Variants in NRG1 observed in about 807,000 individuals in gnomAD.
NRG1 encodes the protein neuregulin 1, also known as pro-neuregulin-1, membrane-bound isoform.
A neutral mutation model predicts 63.8 loss-of-function variants in NRG1; 18 were observed. That is an observed-to-expected ratio of 0.28 (90% confidence interval 0.19 to 0.42). NRG1 has a LOEUF of 0.42. Among genes scored for constraint, NRG1 ranks in the 10% least tolerant of loss-of-function variants. The pLI is 1.00. For missense variants in NRG1, 762 were observed against 814.7 expected, an observed-to-expected ratio of 0.94 and a Z score of 0.79; for synonymous variants, 302 against 301.3, an observed-to-expected ratio of 1.00 and a Z score of -0.02.
chr8:32,705,163 C>T (rs548102168), intron 5 of NRG1, among the ~76,000 whole-genome samples: 7 of 145,188 alleles, frequency 4.8e-5, no homozygotes, highest in South Asian at 4.4e-4. Flanking sequence ...GACGGAGTCT[C>T]GCTGTGTCGC....
chr8:32,230,077 G>A (rs187590057), intron 1 of NRG1, among the ~76,000 whole-genome samples: 1 of 152,084 alleles, frequency 6.6e-6, no homozygotes, highest in Non-Finnish European at 1.5e-5. Flanking sequence ...ATATATTATT[G>A]TTAGTCAGGA....
intron 1 of NRG1, among the ~76,000 whole-genome samples, chr8:31,791,479 C>T (rs1476912244): frequency 6.6e-6 from 1 of 152,172 alleles, no homozygotes; most frequent in Non-Finnish European, 1.5e-5. Context: ...CATATTCCTT[C>T]AAGATAAACG....
At chr8:32,218,895 C>T (rs1213725283) in intron 1 of NRG1, among the ~76,000 whole-genome samples, 1 of 152,130 alleles carries the variant, frequency 6.6e-6, no homozygotes, top group Non-Finnish European at 1.5e-5. Flanking sequence ...AAGGTCCTTA[C>T]TCACAGTCAG....
At chr8:31,951,809 T>C (rs73582479) in intron 1 of NRG1, among the ~76,000 whole-genome samples, 2,217 of 152,284 alleles carry the variant, frequency 0.015, 44 homozygotes, top group African/African-American at 0.051. Context: ...TGAAAAGGAA[T>C]ATGGAAAATA....
intron 1 of NRG1, among the ~76,000 whole-genome samples, chr8:32,276,695 G>C (rs975608448): frequency 6.6e-6 from 1 of 152,096 alleles, no homozygotes; most frequent in Non-Finnish European, 1.5e-5. Flanking sequence ...GTAGAGGAAG[G>C]TTCTCCCTGT....
intron 11 of NRG1, among the ~76,000 whole-genome samples, chr8:32,762,599 C>T (rs1438394530): frequency 6.6e-6 from 1 of 152,128 alleles, no homozygotes; most frequent in Non-Finnish European, 1.5e-5. Context: ...ACTGTGACTC[C>T]GGGAGAAGCA....
chr8:32,282,217 C>A (rs1487142), intron 1 of NRG1, among the ~76,000 whole-genome samples: 1 of 151,954 alleles, frequency 6.6e-6, no homozygotes, highest in Non-Finnish European at 1.5e-5. Flanking sequence ...AAAGTATCAC[C>A]CACAATGCAC....
chr8:32,737,266 G>A (rs1825304379), intron 6 of NRG1, among the ~76,000 whole-genome samples: 1 of 152,128 alleles, frequency 6.6e-6, no homozygotes, highest in Admixed American at 6.6e-5. Flanking sequence ...AAAATTATTT[G>A]AGGGCAGGCA....
intron 1 of NRG1, among the ~76,000 whole-genome samples, chr8:31,870,589 A>G (rs74727626): frequency 0.012 from 1,827 of 152,266 alleles, 42 homozygotes; most frequent in African/African-American, 0.042. Context: ...TTAATTATGT[A>G]GGAAGGAATT....
chr8:31,753,268 T>A (rs1304491262), intron 1 of NRG1, among the ~76,000 whole-genome samples: 1 of 152,038 alleles, frequency 6.6e-6, no homozygotes, highest in Non-Finnish European at 1.5e-5. Context: ...GATAAAAATG[T>A]TGAAGGGCTT....
chr8:32,322,355 T>TTTATATATATA (rs1554507854), intron 1 of NRG1, among the ~76,000 whole-genome samples: 7 of 142,656 alleles, frequency 4.9e-5, no homozygotes, highest in African/African-American at 1.8e-4. Flanking sequence ...CAACCTTATT[T>TTTATATATATA]TATATATATA....
At chr8:31,817,294 A>G (rs1823550624) in intron 1 of NRG1, among the ~76,000 whole-genome samples, 1 of 152,234 alleles carries the variant, frequency 6.6e-6, no homozygotes, top group South Asian at 2.1e-4. Context: ...TGTCTCACAG[A>G]GACTCCTAAC....
intron 1 of NRG1, among the ~76,000 whole-genome samples, chr8:32,262,058 A>G (rs758163292): frequency 3.3e-5 from 5 of 152,158 alleles, no homozygotes; most frequent in Admixed American, 6.6e-5. Flanking sequence ...ATTGTTCTCT[A>G]TCTATAATAA....
intron 1 of NRG1, among the ~76,000 whole-genome samples, chr8:32,193,756 AG>A (rs1473125704): frequency 6.6e-6 from 1 of 152,172 alleles, no homozygotes; most frequent in Non-Finnish European, 1.5e-5. Flanking sequence ...GTTAAAATGA[AG>A]TTGTTTGGGT....
chr8:32,398,424 T>C (rs1368367047), intron 1 of NRG1, among the ~76,000 whole-genome samples: 4 of 151,758 alleles, frequency 2.6e-5, no homozygotes, highest in African/African-American at 9.7e-5. Flanking sequence ...TTTTTTTTTT[T>C]TTTTAAGACC....
At chr8:32,301,126 G>C (rs1380997864) in intron 1 of NRG1, among the ~76,000 whole-genome samples, 2 of 152,190 alleles carry the variant, frequency 1.3e-5, no homozygotes, top group Non-Finnish European at 2.9e-5. Flanking sequence ...GAATTTGGTA[G>C]TAAAAGATAT....
At chr8:31,780,841 T>A (rs578212574) in intron 1 of NRG1, among the ~76,000 whole-genome samples, 4 of 152,234 alleles carry the variant, frequency 2.6e-5, no homozygotes, top group Admixed American at 6.5e-5. Context: ...ACCACAGAGG[T>A]ATGCATCTTT....
intron 1 of NRG1, among the ~76,000 whole-genome samples, chr8:32,109,990 C>G (rs1831792995): frequency 6.6e-6 from 1 of 152,098 alleles, no homozygotes; most frequent in Non-Finnish European, 1.5e-5. Context: ...GTTTTCTCCT[C>G]TGTTCAATGG....
chr8:31,857,379 G>A (rs191820886), intron 1 of NRG1, among the ~76,000 whole-genome samples: 61 of 152,284 alleles, frequency 4.0e-4, no homozygotes, highest in Admixed American at 3.4e-3. Context: ...GATTTTCCAG[G>A]TGCCGTCTGT....
Sources: allele counts gnomAD v4.1 joint callset (sites outside exome capture counted in the v4.1 genomes callset), GRCh38; gene constraint gnomAD v4.1.1; transcripts MANE v1.5; gene names NCBI Gene and HGNC (gene_info 2026-07-23, HGNC 2026-07-21).